PSG9: variants seen among roughly 807,000 people sequenced by gnomAD.
PSG9 encodes the protein pregnancy-specific beta-1-glycoprotein 9.
Under a neutral mutation model 41.9 loss-of-function variants are expected in PSG9, and 49 were observed. That is an observed-to-expected ratio of 1.17 (90% CI 0.93 to 1.48). PSG9 has a LOEUF of 1.48. Ranked by LOEUF, PSG9 falls within the 40% of genes most tolerant of loss-of-function variation. PSG9 has a pLI of 0.00. For synonymous variants in PSG9, 263 were observed against 196.8 expected, an observed-to-expected ratio of 1.34 and a Z score of -2.82; for missense variants, 641 against 520.3, an observed-to-expected ratio of 1.23 and a Z score of -2.26.
In PSG9 at chr19:43,257,990, C is replaced by T. The variant is rs200081394; in HGVS notation, c.1243+212G>A. 2.0e-4 allele frequency: 291 copies of T among 1,481,628 alleles called. 19 individuals carry two copies. The highest frequency in any genetic ancestry group is 6.4e-4 in the Admixed American group (26 of 40,704). 91.8% of individuals were successfully genotyped at this position (1,481,628 alleles called of 1,614,324 possible). On this transcript the variant is annotated intron_variant, in intron 5 of 5. Transcript: ENST00000270077. ...GATAAAGCCCCCTCCCTACCTTTTTCAGGCCAGACACAAGGTCAGCCATAA... is the reference window on the plus strand; with the variant it reads ...GATAAAGCCCCCTCCCTACCTTTTTTAGGCCAGACACAAGGTCAGCCATAA...
intron 3 of PSG9, chr19:43,259,390 A>C (rs1968602988): frequency 3.1e-6 from 2 of 649,432 alleles, no homozygotes; most frequent in South Asian, 5.6e-5. Flanking sequence ...ATGGACAGAC[A>C]CATCAGTGGG....
chr19:43,258,901 C>G lies in PSG9; in HGVS notation c.944G>C (p.Arg315Pro), dbSNP rs147249563. The change falls in exon 4 of 6, where the codon CGA (arginine) becomes CCA (proline). Residue 315 changes from arginine to proline, a missense_variant. By Grantham distance (103) the Arg-to-Pro change is moderately radical. Coordinates refer to ENST00000270077, the MANE Select transcript of PSG9 (RefSeq NM_002784.5). ...TGGGTTACTGCGGAGGCCACCATAT[C>G]GGTCCCGTATTTCACATTGATAGGG... ...TGPYQCEIRD[R>P]YGGLRSNPVI... 36 of 1,587,498 alleles carry G rather than the reference C, an allele frequency of 2.3e-5. 2 individuals carry two copies. Among genetic ancestry groups the G allele is most frequent in the Non-Finnish European group, 3.1e-5 (36 of 1,172,844 alleles).
At chr19:43,260,966 G>A (rs1475369271) in intron 3 of PSG9, among the ~76,000 whole-genome samples, 1 of 152,102 alleles carries the variant, frequency 6.6e-6, no homozygotes, top group African/African-American at 2.4e-5. Flanking sequence ...TGATGTTAAT[G>A]TGAATTGAAA....
At chr19:43,267,702 G>C (rs898555611) in intron 2 of PSG9, 82 bp downstream of exon 2, 2 of 1,589,860 alleles carry the variant, frequency 1.3e-6, no homozygotes, top group African/African-American at 1.3e-5. Flanking sequence ...CACAGGCAGA[G>C]TCCAGGCCTG....
At chr19:43,267,149 G>T (rs1969008429) in intron 2 of PSG9, among the ~76,000 whole-genome samples, 1 of 152,082 alleles carries the variant, frequency 6.6e-6, no homozygotes, top group East Asian at 1.9e-4. Flanking sequence ...AAGGCAGTTG[G>T]CTGATGTCCT....
rs1210974044 is a variant in PSG9, at chr19:43,258,176, T to G, written c.1243+26A>C. Reference sequence around the variant, plus strand: ...AGATAGACTCCACATAAAACCCTACTGCCAAGGATGCTGGGATCCACTTAC... The same window carrying G: ...AGATAGACTCCACATAAAACCCTACGGCCAAGGATGCTGGGATCCACTTAC... On this transcript the variant is annotated intron_variant, in intron 5 of 5. Transcript: ENST00000270077. The G allele has an allele frequency of 5.0e-6, 8 of 1,592,564 alleles. No homozygotes were observed. In the South Asian group the frequency reaches 8.9e-5, roughly 18 times the overall value.
rs573325967 is a variant in PSG9, at chr19:43,259,533, T to A, written c.710-398A>T. The A allele has an allele frequency of 2.7e-5, 6 of 221,710 alleles. No homozygotes were observed. The Middle Eastern group carries it at 4.9e-3, about 180-fold the overall frequency. 13.7% of individuals were successfully genotyped at this position (221,710 alleles called of 1,614,324 possible). ...CCATCCTACTTTGCCCCCCTATATG[T>A]GATTTCTCTGCAGCTTCCATTTCTA... On this transcript the variant is annotated intron_variant, in intron 3 of 5. Coordinates refer to ENST00000270077, the MANE Select transcript of PSG9 (RefSeq NM_002784.5).
At chr19:43,267,150 C>A (rs1969008569) in intron 2 of PSG9, among the ~76,000 whole-genome samples, 1 of 152,134 alleles carries the variant, frequency 6.6e-6, no homozygotes, top group Non-Finnish European at 1.5e-5. Flanking sequence ...AGGCAGTTGG[C>A]TGATGTCCTA....
At position 43,267,843 on chromosome 19, in the gene PSG9, A is replaced by G; in HGVS notation, c.371T>C (p.Ile124Thr). The G allele has an allele frequency of 6.2e-7, 1 of 1,613,590 alleles. No homozygotes were observed. Among genetic ancestry groups the G allele is most frequent in the East Asian group, 2.2e-5 (1 of 44,862 alleles). ...TCTAGTCTCATCACCTCGCTTTATG[A>G]TGTGTAAGGTGTAGGTTCCTGCATC... ...RKDAGTYTLH[I>T]IKRGDETREE... Residue 124 changes from isoleucine (I) to threonine (T), a missense_variant, in exon 2 of 6, where the codon ATC becomes ACC. Coordinates refer to ENST00000270077, the MANE Select transcript of PSG9 (RefSeq NM_002784.5).
At position 43,254,006 on chromosome 19, in the gene PSG9, A is replaced by C. The variant is rs575763673; in HGVS notation, c.1244-360T>G. Among the ~76,000 whole-genome samples, 16 of 145,590 alleles carry C rather than the reference A, an allele frequency of 1.1e-4. 4 individuals carry two copies. The East Asian group carries it at 3.8e-3, about 35-fold the overall frequency. On this transcript the variant is annotated intron_variant, in intron 5 of 5. Transcript: ENST00000270077. ...TCTTGGATGCATCTCAGTTGGTAAA[A>C]ACTAACATACCAGACTTGATTCTTT...
intron 5 of PSG9, among the ~76,000 whole-genome samples, chr19:43,253,909 C>G (rs570186705): frequency 6.8e-6 from 1 of 146,302 alleles, no homozygotes; most frequent in Non-Finnish European, 1.5e-5. Context: ...TTCTCCCATA[C>G]TACCTTCATG....
At position 43,267,989 on chromosome 19, in the gene PSG9, G is replaced by A. The variant is rs1771203102; in HGVS notation, c.225C>T (p.Leu75=). The part of the protein sequence containing the change: ...YFWYKGEMTD[L]YHYIISYIVD... ...CTATATACGATATAATGTAATGGTA[G>A]AGGTCCGTCATTTCCCCTTTGTACC... is the stretch of plus-strand genomic sequence containing the variant. Residue 75 remains leucine, a synonymous_variant, in exon 2 of 6, where the codon CTC becomes CTT. Coordinates refer to ENST00000270077, the MANE Select transcript of PSG9 (RefSeq NM_002784.5). 2.5e-6 allele frequency: 4 copies of A among 1,613,740 alleles called. No homozygotes were observed. In the African/African-American group the frequency reaches 5.3e-5, roughly 22 times the overall value.
Position 43,253,736 on chromosome 19 carries a change from T to C in PSG9, c.1244-90A>G. The C allele has an allele frequency of 3.8e-6, 3 of 793,412 alleles. No individual in the cohort carries two copies. In the South Asian group the frequency reaches 5.3e-5, roughly 14 times the overall value. 49.1% of individuals were successfully genotyped at this position (793,412 alleles called of 1,614,324 possible). The stretch of plus-strand genomic sequence containing the variant: ...CTTTCCTACAGGCTCCCAGGAAGGG[T>C]GTGAAAGCAAGCCTAGTTCTCTGAG... On this transcript the variant is annotated intron_variant, in intron 5 of 5. Transcript: ENST00000270077.
intron 2 of PSG9, among the ~76,000 whole-genome samples, chr19:43,267,287 G>C (rs1367345411): frequency 6.6e-6 from 1 of 152,114 alleles, no homozygotes; most frequent in East Asian, 1.9e-4. Flanking sequence ...TCCTCAGACA[G>C]CTGGTAAATT....
Position 43,258,394 on chromosome 19 carries a change from C to T in PSG9, c.1051G>A (p.Asp351Asn), listed in dbSNP as rs771822396. The change falls in exon 5 of 6, where the codon GAC becomes AAC. Residue 351 changes from aspartate to asparagine, a missense_variant. By Grantham distance (23) the Asp-to-Asn change is conservative. Coordinates refer to ENST00000270077, the MANE Select transcript of PSG9 (RefSeq NM_002784.5). ...FTYYRSGENL[D>N]LSCFTESNPP... ...TTAGATTCCGTGAAGCAGGACAAGT[C>T]GAGGTTTTCTCCTGAACGGTAATAG... 5.7e-6 allele frequency: 9 copies of T among 1,591,828 alleles called. 1 individual carries two copies. In the African/African-American group the frequency reaches 7.1e-5, roughly 13 times the overall value.
At position 43,269,375 on chromosome 19, in the gene PSG9, C is replaced by G; in HGVS notation, c.57G>C (p.Leu19=). Residue 19 remains leucine (L), a synonymous_variant, in exon 1 of 6, where the codon CTG becomes CTC. Coordinates refer to ENST00000270077, the MANE Select transcript of PSG9 (RefSeq NM_002784.5). ...CTQRITWKGL[L]LTASLLNFWN... ...AGGAAGTTCTCTCCTCACCTGTGAGCAGGAGCCCCTTCCAGGTGATGCGCT... is the reference window on the plus strand; with the variant it reads ...AGGAAGTTCTCTCCTCACCTGTGAGGAGGAGCCCCTTCCAGGTGATGCGCT... 1.2e-6 allele frequency: 2 copies of G among 1,613,568 alleles called. No individual in the cohort carries two copies. Among genetic ancestry groups the G allele is most frequent in the Non-Finnish European group, 1.7e-6 (2 of 1,179,642 alleles).
chr19:43,264,746 C>T (rs1968889368), intron 2 of PSG9, among the ~76,000 whole-genome samples: 1 of 152,194 alleles, frequency 6.6e-6, no homozygotes, highest in Non-Finnish European at 1.5e-5. Flanking sequence ...GCCACTGAGC[C>T]CAGCCATCTC....
At chr19:43,265,774 C>T (rs1336895281) in intron 2 of PSG9, among the ~76,000 whole-genome samples, 3 of 152,218 alleles carry the variant, frequency 2.0e-5, no homozygotes, top group Non-Finnish European at 4.4e-5. Context: ...GGAGGAACTG[C>T]CTATCCCTGT....
rs746831930 is a variant in PSG9, at chr19:43,258,186, G to T, written c.1243+16C>A. On this transcript the variant is annotated intron_variant, in intron 5 of 5. Transcript: ENST00000270077. ...CACATAAAACCCTACTGCCAAGGAT[G>T]CTGGGATCCACTTACCAGAGACTTT... is the stretch of plus-strand genomic sequence containing the variant. The T allele has an allele frequency of 1.3e-6, 2 of 1,592,610 alleles. No individual in the cohort carries two copies. The highest frequency in any genetic ancestry group is 1.7e-6 in the Non-Finnish European group (2 of 1,174,442).
Sources: gnomAD v4.1 joint callset for allele counts (sites outside exome capture counted in the v4.1 genomes callset) on GRCh38, gnomAD v4.1.1 for gene constraint, MANE v1.5 for transcripts, NCBI Gene and HGNC (gene_info 2026-07-23, HGNC 2026-07-21) for gene names.